OR4K17: variants seen among roughly 807,000 people sequenced by gnomAD.
OR4K17 encodes olfactory receptor family 4 subfamily K member 17, also known as olfactory receptor 4K17.
For synonymous variants in OR4K17, 157 were observed against 132.8 expected (o/e 1.18, Z -1.25); for missense variants, 480 against 366.3 (o/e 1.31, Z -2.53).
Position 20,118,288 on chromosome 14 carries a change from C to G in OR4K17, c.789C>G (p.Gly263=). The G allele has an allele frequency of 6.2e-7, 1 of 1,613,946 alleles. No individual in the cohort carries two copies. Among genetic ancestry groups the G allele is most frequent in the South Asian group, 1.1e-5 (1 of 91,080 alleles). The change falls in exon 2 of 2, where the codon GGC becomes GGG. Residue 263 remains glycine (G), a synonymous_variant. Transcript: ENST00000641386. ...PCIFIYIWPF[G]NHSVDKFLAV... is the part of the protein sequence containing the mutation. The stretch of plus-strand genomic sequence containing the variant: ...TCTTTATCTACATTTGGCCCTTCGG[C>G]AACCACTCTGTAGATAAGTTCCTTG...
At position 20,117,595 on chromosome 14, in the gene OR4K17, G is replaced by A. The variant is rs138358295; in HGVS notation, c.96G>A (p.Ser32=). 1.1e-4 allele frequency: 178 copies of A among 1,613,752 alleles called. No homozygotes were observed. The highest frequency in any genetic ancestry group is 5.9e-4 in the African/African-American group (44 of 74,898). The part of the protein sequence containing the change: ...DVEFLLFALF[S]VIYVVTVLGN... ...AGTTTCTTCTCTTTGCCCTCTTCTCGGTTATCTATGTGGTCACAGTTTTGG... is the reference window on the plus strand; with the variant it reads ...AGTTTCTTCTCTTTGCCCTCTTCTCAGTTATCTATGTGGTCACAGTTTTGG... Residue 32 remains serine, a synonymous_variant, in exon 2 of 2, where the codon TCG becomes TCA. Coordinates refer to ENST00000641386, the MANE Select transcript of OR4K17 (RefSeq NM_001004715.5).
chr14:20,111,568 G>C (rs1354199584), intron 1 of OR4K17, among the ~76,000 whole-genome samples: 1 of 151,966 alleles, frequency 6.6e-6, no homozygotes, highest in African/African-American at 2.4e-5. Flanking sequence ...TAATTTAAGA[G>C]CATGTAAGCA....
chr14:20,119,311 G>A lies in OR4K17; in HGVS notation c.*873G>A, dbSNP rs1348576370. ...GTGCCATTAACATAATCATCACAGG[G>A]TCCTGAGGCAACATACATCCTCAGC... On this transcript the variant is annotated 3_prime_UTR_variant, in exon 2 of 2. Coordinates refer to ENST00000641386, the MANE Select transcript of OR4K17 (RefSeq NM_001004715.5). 6.6e-6 allele frequency: 1 copy of A among 152,066 alleles called. No individual in the cohort carries two copies. The highest frequency in any genetic ancestry group is 2.4e-5 in the African/African-American group (1 of 41,394). 9.4% of individuals were successfully genotyped at this position (152,066 alleles called of 1,614,324 possible). A position where few individuals can be genotyped will look rare whatever the true frequency, so the allele number is the denominator to read the frequency against.
In OR4K17 at chr14:20,118,227, A is replaced by T; in HGVS notation, c.728A>T (p.His243Leu). ...QSKARSTLTA[H>L]ITVVILFFGP... ...AAAGCCCGTTCCACTTTGACTGCTC[A>T]CATCACAGTGGTGATTCTCTTCTTT... is the stretch of plus-strand genomic sequence containing the variant. The change falls in exon 2 of 2, where the codon CAC (histidine) becomes CTC (leucine). Residue 243 changes from histidine (H) to leucine (L), a missense_variant. By Grantham distance (99) the His-to-Leu change is moderately conservative. Coordinates refer to ENST00000641386, the MANE Select transcript of OR4K17 (RefSeq NM_001004715.5). 1 of 1,613,456 alleles carries T rather than the reference A, an allele frequency of 6.2e-7. No individual in the cohort carries two copies. The highest frequency in any genetic ancestry group is 8.5e-7 in the Non-Finnish European group (1 of 1,179,370).
intron 1 of OR4K17, among the ~76,000 whole-genome samples, chr14:20,112,527 G>A (rs970102334): frequency 6.6e-6 from 1 of 152,066 alleles, no homozygotes; most frequent in African/African-American, 2.4e-5. Flanking sequence ...GGTGATGATA[G>A]GTTTGGAAAC....
In OR4K17 at chr14:20,120,389, T is replaced by C. The variant is rs1184801502; in HGVS notation, c.*1951T>C. 6.6e-6 allele frequency: 1 copy of C among 152,182 alleles called. No individual in the cohort carries two copies. The highest frequency in any genetic ancestry group is 1.5e-5 in the Non-Finnish European group (1 of 68,040). The allele number at this position is 152,182 out of a possible 1,614,324, so 9.4% of individuals were successfully genotyped here. ...AATATTATAAAATCTCACTTTCACC[T>C]CCTTGTCCCCATGTATTTCAATTCA... is the stretch of plus-strand genomic sequence containing the variant. On this transcript the variant is annotated 3_prime_UTR_variant, in exon 2 of 2. Coordinates refer to ENST00000641386, the MANE Select transcript of OR4K17 (RefSeq NM_001004715.5).
intron 1 of OR4K17, among the ~76,000 whole-genome samples, chr14:20,116,513 G>C (rs1465118218): frequency 3.3e-4 from 50 of 152,146 alleles, no homozygotes; most frequent in Admixed American, 3.3e-3. Flanking sequence ...AATGTGAATG[G>C]AGTTCTAGTG....
Position 20,120,112 on chromosome 14 carries a change from T to C in OR4K17, c.*1674T>C, listed in dbSNP as rs1326552844. ...TTTGTTTAGTTGTTACAATGGCTTT[T>C]GATGTAAATGAAATAAAGTGAATCC... On this transcript the variant is annotated 3_prime_UTR_variant, in exon 2 of 2. Coordinates refer to ENST00000641386, the MANE Select transcript of OR4K17 (RefSeq NM_001004715.5). 6.6e-6 allele frequency: 1 copy of C among 152,214 alleles called. No individual in the cohort carries two copies. The highest frequency in any genetic ancestry group is 2.4e-5 in the African/African-American group (1 of 41,462). 9.4% of individuals were successfully genotyped at this position (152,214 alleles called of 1,614,324 possible).
At chr14:20,112,683 CAT>C (rs1414856600) in intron 1 of OR4K17, among the ~76,000 whole-genome samples, 2 of 152,054 alleles carry the variant, frequency 1.3e-5, no homozygotes, top group African/African-American at 4.8e-5. Flanking sequence ...ACCTGATATA[CAT>C]GTTTTCCTCA....
chr14:20,118,404 G>A lies in OR4K17; in HGVS notation c.905G>A (p.Trp302Ter), dbSNP rs1204313029. Residue 302 changes from tryptophan (W) to a stop codon, truncating the protein, a stop_gained, in exon 2 of 2, where the codon TGG becomes TAG. Transcript: ENST00000641386. LOFTEE classifies it low-confidence loss of function (END_TRUNC). ...KEMKISMKKL[W>*]RAFVNSREDT ...ATGAAGATATCCATGAAAAAACTCT[G>A]GAGAGCTTTTGTGAATTCTAGAGAA... 1.9e-6 allele frequency: 3 copies of A among 1,604,678 alleles called. No homozygotes were observed. Among genetic ancestry groups the A allele is most frequent in the African/African-American group, 1.3e-5 (1 of 74,360 alleles).
In OR4K17 at chr14:20,118,141, G is replaced by C; in HGVS notation, c.642G>C (p.Leu214Phe). The C allele has an allele frequency of 6.2e-7, 1 of 1,614,000 alleles. No homozygotes were observed. Among genetic ancestry groups the C allele is most frequent in the Non-Finnish European group, 8.5e-7 (1 of 1,179,974 alleles). The change falls in exon 2 of 2, where the codon TTG becomes TTC. Residue 214 changes from leucine to phenylalanine, a missense_variant. Transcript: ENST00000641386. ...GIISLSCFII[L>F]LISYSLILIT... ...TCTCCCTGAGCTGTTTCATTATTTT[G>C]CTTATCTCCTACAGTCTGATCCTCA...
rs1490307120 is a variant in OR4K17, at chr14:20,121,257, C to G, written c.*2819C>G. The G allele has an allele frequency of 6.6e-6, 1 of 152,142 alleles. No homozygotes were observed. Among genetic ancestry groups the G allele is most frequent in the Admixed American group, 6.6e-5 (1 of 15,258 alleles). The allele number at this position is 152,142 out of a possible 1,614,324, so 9.4% of individuals were successfully genotyped here. On this transcript the variant is annotated 3_prime_UTR_variant, in exon 2 of 2. Transcript: ENST00000641386. ...TTTCCAGTATCTGTCTCCAAAGAAACAGAGACCTATGAACTCCCAGACAAA... is the reference window on the plus strand; with the variant it reads ...TTTCCAGTATCTGTCTCCAAAGAAAGAGAGACCTATGAACTCCCAGACAAA...
At chr14:20,112,393 A>G (rs1049907440) in intron 1 of OR4K17, among the ~76,000 whole-genome samples, 3 of 152,024 alleles carry the variant, frequency 2.0e-5, no homozygotes, top group African/African-American at 4.8e-5. Context: ...TCTGCTTTGG[A>G]AAACTCATTT....
intron 1 of OR4K17, among the ~76,000 whole-genome samples, chr14:20,116,911 G>A (rs1436901889): frequency 6.6e-6 from 1 of 152,112 alleles, no homozygotes; most frequent in African/African-American, 2.4e-5. Flanking sequence ...AAGATAAGGA[G>A]GAAAAACACA....
chr14:20,117,771 T>C lies in OR4K17; in HGVS notation c.272T>C (p.Val91Ala), dbSNP rs758980998. 3.1e-6 allele frequency: 5 copies of C among 1,614,086 alleles called. No homozygotes were observed. Among genetic ancestry groups the C allele is most frequent in the Non-Finnish European group, 4.2e-6 (5 of 1,179,976 alleles). Residue 91 changes from valine to alanine, a missense_variant, in exon 2 of 2, where the codon GTA (valine) becomes GCA (alanine). Coordinates refer to ENST00000641386, the MANE Select transcript of OR4K17 (RefSeq NM_001004715.5). ...CTGAACTTGTTAAAAAAGCAGAAGGTAATTTCTTTTGCTGGGTGCTTCACT... is the reference window on the plus strand; with the variant it reads ...CTGAACTTGTTAAAAAAGCAGAAGGCAATTTCTTTTGCTGGGTGCTTCACT... The part of the protein sequence containing the change: ...VILNLLKKQK[V>A]ISFAGCFTQI...
At position 20,117,409 on chromosome 14, in the gene OR4K17, G is replaced by A. The variant is rs536593108; in HGVS notation, c.-32-59G>A. On this transcript the variant is annotated intron_variant, in intron 1 of 1. Coordinates refer to ENST00000641386, the MANE Select transcript of OR4K17 (RefSeq NM_001004715.5). ...AATGCATAAGTTTGGTTTTTCATAT[G>A]GCTCTTTATTTTTCACTCATACTCC... 8.2e-6 allele frequency: 13 copies of A among 1,576,242 alleles called. No homozygotes were observed. The South Asian group carries it at 1.5e-4, about 19-fold the overall frequency.
In OR4K17 at chr14:20,110,834, T is replaced by C. The variant is rs1210706152; in HGVS notation, c.-91T>C. 1 of 151,980 alleles carries C rather than the reference T, an allele frequency of 6.6e-6. No individual in the cohort carries two copies. Among genetic ancestry groups the C allele is most frequent in the African/African-American group, 2.4e-5 (1 of 41,398 alleles). The allele number at this position is 151,980 out of a possible 1,614,324, so 9.4% of individuals were successfully genotyped here. ...TCTATGGAACTATAAGTTGAGAAGG[T>C]GCATGCCCTTCTCGATATTGTCCCC... is the stretch of plus-strand genomic sequence containing the variant. On this transcript the variant is annotated 5_prime_UTR_variant, in exon 1 of 2. Transcript: ENST00000641386.
chr14:20,114,728 G>A (rs1213220002), intron 1 of OR4K17, among the ~76,000 whole-genome samples: 1 of 152,022 alleles, frequency 6.6e-6, no homozygotes, highest in African/African-American at 2.4e-5. Flanking sequence ...CCTAAAGACA[G>A]AGTGTGACTG....
rs113306719 is a variant in OR4K17 at position 20,117,673 on chromosome 14, C to A, written c.174C>A (p.Pro58=). The change falls in exon 2 of 2, where the codon CCC becomes CCA. Residue 58 remains proline (P), a synonymous_variant. Transcript: ENST00000641386. ...TTAACACCCCTAACCTGAATACTCC[C>A]ATGTATTTTCTCCTTGGTAATCTCT... ...TVFNTPNLNT[P]MYFLLGNLSF... 172 of 1,613,928 alleles carry A rather than the reference C, an allele frequency of 1.1e-4. No homozygotes were observed. The African/African-American group carries it at 2.0e-3, about 19-fold the overall frequency.
Sources: allele counts gnomAD v4.1 joint callset (sites outside exome capture counted in the v4.1 genomes callset), GRCh38; gene constraint gnomAD v4.1.1; transcripts MANE v1.5; gene names NCBI Gene and HGNC (gene_info 2026-07-23, HGNC 2026-07-21).